The following DGKB variants were observed in gnomAD, a reference collection of about 807,000 sequenced individuals.
The protein encoded by DGKB is diacylglycerol kinase beta.
DGKB carries 67 observed loss-of-function variants against 114.3 expected under a neutral mutation model. The ratio of observed to expected loss-of-function variants is 0.59; its 90% CI spans 0.48 to 0.72. The LOEUF is 0.72. Ranked by LOEUF, DGKB falls within the 30% of genes least tolerant of loss-of-function variation. The pLI, the probability that DGKB is intolerant of heterozygous loss-of-function variation, is 0.00. For synonymous variants in DGKB, 398 were observed against 323.1 expected, an observed-to-expected ratio of 1.23 and a Z score of -2.49; for missense variants, 907 against 975.2, an observed-to-expected ratio of 0.93 and a Z score of 0.93.
Position 14,178,146 on chromosome 7 carries a change from T to C in DGKB, c.2128A>G (p.Ser710Gly). ...CCGACCACCTCCAGCAGCTGGTCAC[T>C]GAGATCTGAAAGAAAGTAGATGCCT... is the stretch of plus-strand genomic sequence containing the variant. ...KELKFASQDLSDQLLEVVGLE... is the reference protein window; with the variant it reads ...KELKFASQDLGDQLLEVVGLE... Residue 710 changes from serine (S) to glycine (G), a missense_variant, in exon 24 of 26, where the codon AGT (serine) becomes GGT (glycine). This residue lies in a region of DGKB where 814 missense variants were observed against 856.6 expected (regional missense o/e 0.95). Coordinates refer to ENST00000402815, the MANE Select transcript of DGKB (RefSeq NM_001350709.2). 1 of 1,613,492 alleles carries C rather than the reference T, an allele frequency of 6.2e-7. No individual in the cohort carries two copies. The highest frequency in any genetic ancestry group is 8.5e-7 in the Non-Finnish European group (1 of 1,179,722).
chr7:14,209,898 T>G (rs1168169155), intron 23 of DGKB, among the ~76,000 whole-genome samples: 1 of 47,744 alleles, frequency 2.1e-5, no homozygotes, highest in Non-Finnish European at 3.2e-5. Context: ...ATGGCTGTCT[T>G]TTTTTTTTTA....
intron 23 of DGKB, among the ~76,000 whole-genome samples, chr7:14,181,650 G>A (rs1427721503): frequency 6.6e-6 from 1 of 152,208 alleles, no homozygotes; most frequent in African/African-American, 2.4e-5. Flanking sequence ...CAGACCTGGA[G>A]ATTCAGGTGG....
intron 23 of DGKB, among the ~76,000 whole-genome samples, chr7:14,261,932 A>G (rs1288507356): frequency 6.6e-6 from 1 of 152,196 alleles, no homozygotes. Flanking sequence ...CAACTCCTCA[A>G]TTAAATACCT....
chr7:14,538,800 T>C (rs898499864), intron 20 of DGKB, among the ~76,000 whole-genome samples: 1 of 152,114 alleles, frequency 6.6e-6, no homozygotes, highest in African/African-American at 2.4e-5. Context: ...TATTCACCCT[T>C]TAAAAAGATG....
intron 1 of DGKB, among the ~76,000 whole-genome samples, chr7:14,877,546 A>T (rs554722500): frequency 1.3e-5 from 2 of 152,274 alleles, no homozygotes; most frequent in Non-Finnish European, 2.9e-5. Flanking sequence ...AAATAGCGAA[A>T]CTTTGTCTCA....
intron 23 of DGKB, among the ~76,000 whole-genome samples, chr7:14,321,903 C>T (rs533978465): frequency 6.6e-6 from 1 of 152,000 alleles, no homozygotes; most frequent in Non-Finnish European, 1.5e-5. Context: ...AAAGCTATAC[C>T]ATGTTCACCA....
chr7:14,307,444 A>G (rs1384568777), intron 23 of DGKB, among the ~76,000 whole-genome samples: 3 of 152,214 alleles, frequency 2.0e-5, no homozygotes, highest in Non-Finnish European at 1.5e-5. Flanking sequence ...GAATAGCGTT[A>G]AATAACAGTA....
intron 25 of DGKB, among the ~76,000 whole-genome samples, chr7:14,154,684 A>AT (rs915224494): frequency 1.3e-5 from 2 of 149,304 alleles, no homozygotes; most frequent in Non-Finnish European, 3.0e-5. Context: ...AAACTAATCC[A>AT]TAAAAAAAAA....
Position 14,725,027 on chromosome 7 carries a change from C to T in DGKB, c.323-6342G>A, listed in dbSNP as rs76385660. Among the ~76,000 whole-genome samples the T allele has an allele frequency of 9.9e-3, 1,504 of 152,052 alleles. 29 individuals are homozygous for T. Among genetic ancestry groups the T allele is most frequent in the African/African-American group, 0.035 (1,440 of 41,454 alleles). On this transcript the variant is annotated intron_variant, in intron 5 of 25. Coordinates refer to ENST00000402815, the MANE Select transcript of DGKB (RefSeq NM_001350709.2). Reference sequence around the variant, plus strand: ...TCTATAAAAAAAAATTTTTAATTACCCATTTGGGGTGGCATGCATTTGTAG... The same window carrying T: ...TCTATAAAAAAAAATTTTTAATTACTCATTTGGGGTGGCATGCATTTGTAG...
At chr7:14,168,345 A>T (rs1020357787) in intron 25 of DGKB, among the ~76,000 whole-genome samples, 13 of 152,224 alleles carry the variant, frequency 8.5e-5, no homozygotes, top group African/African-American at 3.1e-4. Flanking sequence ...AACACACGTC[A>T]TCAGAGTTTT....
intron 2 of DGKB, among the ~76,000 whole-genome samples, chr7:14,784,818 A>G (rs1472796848): frequency 6.7e-6 from 1 of 149,380 alleles, no homozygotes; most frequent in East Asian, 2.0e-4. Flanking sequence ...CTCCTGTGTC[A>G]ACTGCTGTTT....
intron 25 of DGKB, among the ~76,000 whole-genome samples, chr7:14,163,966 G>A (rs913393317): frequency 6.6e-6 from 1 of 151,628 alleles, no homozygotes; most frequent in East Asian, 1.9e-4. Flanking sequence ...TTGCACACCT[G>A]CCTGGGCAAC....
intron 17 of DGKB, among the ~76,000 whole-genome samples, chr7:14,586,078 A>C (rs1342182819): frequency 6.6e-6 from 1 of 152,122 alleles, no homozygotes; most frequent in Non-Finnish European, 1.5e-5. Flanking sequence ...TTTCAATCAA[A>C]AGCTAGAAAT....
intron 1 of DGKB, among the ~76,000 whole-genome samples, chr7:14,959,914 T>C (rs1786742504): frequency 6.6e-6 from 1 of 152,122 alleles, no homozygotes; most frequent in Admixed American, 6.6e-5. Flanking sequence ...GAATTATTCA[T>C]GCTTTTCCTT....
Position 14,557,583 on chromosome 7 carries a change from TA to T in DGKB, c.1770+16628del, listed in dbSNP as rs576230229. On this transcript the variant is annotated intron_variant, in intron 20 of 25. Coordinates refer to ENST00000402815, the MANE Select transcript of DGKB (RefSeq NM_001350709.2). ...TGACTATTGCTTATTTTTATCTTTTTAAAAAAATAACATCTTCATGGCTATA... is the reference window on the plus strand; with the variant it reads ...TGACTATTGCTTATTTTTATCTTTTTAAAAAATAACATCTTCATGGCTATA... Among the ~76,000 whole-genome samples the T allele has an allele frequency of 6.3e-3, 952 of 152,180 alleles. 6 individuals are homozygous for T. Among genetic ancestry groups the T allele is most frequent in the African/African-American group, 0.021 (890 of 41,566 alleles).
chr7:14,835,063 T>C (rs1374823177), intron 2 of DGKB, among the ~76,000 whole-genome samples: 2 of 152,054 alleles, frequency 1.3e-5, no homozygotes, highest in Non-Finnish European at 2.9e-5. Context: ...GAAGCCAACA[T>C]ATATTCTAGA....
chr7:14,618,369 C>G (rs888683394), intron 15 of DGKB, among the ~76,000 whole-genome samples: 1 of 151,476 alleles, frequency 6.6e-6, no homozygotes, highest in Non-Finnish European at 1.5e-5. Flanking sequence ...CTTTCTTTCT[C>G]GTGCTAAAAG....
chr7:14,600,446 AG>A (rs575425932), intron 17 of DGKB, among the ~76,000 whole-genome samples: 1 of 152,152 alleles, frequency 6.6e-6, no homozygotes, highest in South Asian at 2.1e-4. Flanking sequence ...GAGCCCCAAA[AG>A]TTTTAACAAT....
At chr7:14,275,141 T>A (rs7801010) in intron 23 of DGKB, among the ~76,000 whole-genome samples, 1 of 152,054 alleles carries the variant, frequency 6.6e-6, no homozygotes, top group East Asian at 1.9e-4. Flanking sequence ...TATGTTACCA[T>A]TGCCTTGAAT....
Sources: allele counts gnomAD v4.1 joint callset (sites outside exome capture counted in the v4.1 genomes callset), GRCh38; gene constraint gnomAD v4.1.1; regional missense constraint gnomAD v4.1.1; transcripts MANE v1.5; gene names NCBI Gene and HGNC (gene_info 2026-07-23, HGNC 2026-07-21).